Variants in RPS6KA3 observed in about 807,000 individuals in gnomAD.
The protein encoded by RPS6KA3 is ribosomal protein S6 kinase A3.
A neutral mutation model predicts 67.2 loss-of-function variants in RPS6KA3; 4 were observed. The observed-to-expected ratio is 0.06, with a 90% CI of 0.03 to 0.14. The LOEUF is 0.14. Among genes scored for constraint, RPS6KA3 ranks in the 10% least tolerant of loss-of-function variants. RPS6KA3 has a pLI of 1.00. For synonymous variants in RPS6KA3, 182 were observed against 183.7 expected, an observed-to-expected ratio of 0.99 and a Z score of 0.07; for missense variants, 204 against 559.0, an observed-to-expected ratio of 0.36 and a Z score of 6.40.
rs2067099462 is a variant in RPS6KA3 at position 20,151,277 on chromosome X, G to T, written c.*4121C>A. ...AAAAGTGGTTAAGTGTGGCTCTGTT[G>T]AATACCACAGTCCCAATAAAGTGAA... is the stretch of plus-strand genomic sequence containing the variant. On this transcript the variant is annotated 3_prime_UTR_variant, in exon 22 of 22. Coordinates refer to ENST00000379565, the MANE Select transcript of RPS6KA3 (RefSeq NM_004586.3). The T allele has an allele frequency of 8.9e-6, 1 of 112,589 alleles. No individual in the cohort carries two copies. The highest frequency in any genetic ancestry group is 1.9e-5 in the Non-Finnish European group (1 of 53,273). The allele number at this position is 112,589 out of a possible 1,213,427, so 9.3% of individuals were successfully genotyped here. A position where few individuals can be genotyped will look rare whatever the true frequency, so the allele number is the denominator to read the frequency against.
At chrX:20,245,895 G>A (rs142057262) in intron 1 of RPS6KA3, among the ~76,000 whole-genome samples, 2,280 of 110,523 alleles carry the variant, frequency 0.021, 62 homozygotes, top group African/African-American at 0.072. Flanking sequence ...CGAGGCAGGA[G>A]GATCATGAGG....
chrX:20,252,995 G>A (rs2069924627), intron 1 of RPS6KA3, among the ~76,000 whole-genome samples: 1 of 110,911 alleles, frequency 9.0e-6, no homozygotes. Context: ...TTGGGGTGGA[G>A]GCTCAATCTG....
chrX:20,200,496 C>A (rs988311086), intron 4 of RPS6KA3, among the ~76,000 whole-genome samples: 6 of 111,529 alleles, frequency 5.4e-5, no homozygotes, highest in African/African-American at 2.0e-4. Flanking sequence ...GTTTAAAATT[C>A]CAATAAGTCA....
chrX:20,211,971 T>C (rs189889338), intron 2 of RPS6KA3, among the ~76,000 whole-genome samples: 101 of 111,578 alleles, frequency 9.1e-4, no homozygotes, highest in African/African-American at 3.3e-3. Context: ...TTATATTTCA[T>C]AGCAAATCCT....
intron 16 of RPS6KA3, among the ~76,000 whole-genome samples, chrX:20,168,155 C>T (rs2067487124): frequency 8.9e-6 from 1 of 112,025 alleles, no homozygotes; most frequent in East Asian, 2.8e-4. Flanking sequence ...TTAACACTAC[C>T]TGGGGAGTTC....
At chrX:20,228,000 A>T (rs1313347829) in intron 2 of RPS6KA3, among the ~76,000 whole-genome samples, 2 of 111,151 alleles carry the variant, frequency 1.8e-5, no homozygotes, top group Non-Finnish European at 3.8e-5. Context: ...GCTTTCCTCA[A>T]TTTTAGTTTG....
intron 1 of RPS6KA3, among the ~76,000 whole-genome samples, chrX:20,263,104 A>G (rs937750976): frequency 1.8e-5 from 2 of 112,337 alleles, no homozygotes; most frequent in African/African-American, 3.2e-5. Flanking sequence ...ATTGTATACA[A>G]CACATTATAT....
intron 2 of RPS6KA3, among the ~76,000 whole-genome samples, chrX:20,211,946 C>T (rs2068728667): frequency 9.0e-6 from 1 of 111,451 alleles, no homozygotes; most frequent in South Asian, 3.7e-4. Flanking sequence ...TATCAGGTTA[C>T]AGTATTTTTT....
rs1244122101 is a variant in RPS6KA3, at chrX:20,173,005, G to C, written c.1228-134C>G. On this transcript the variant is annotated intron_variant, in intron 14 of 21. Transcript: ENST00000379565. Reference sequence around the variant, plus strand: ...ATAAGAATAAAAATACATCTTTATAGTACTTATTATTCTACAAACAAGTGA... The same window carrying C: ...ATAAGAATAAAAATACATCTTTATACTACTTATTATTCTACAAACAAGTGA... 9 of 514,926 alleles carry C rather than the reference G, an allele frequency of 1.7e-5. No homozygotes were observed. In the Admixed American group the frequency reaches 3.1e-4, roughly 18 times the overall value. 42.4% of individuals were successfully genotyped at this position (514,926 alleles called of 1,213,427 possible).
chrX:20,174,417 C>T (rs997928286), intron 14 of RPS6KA3, among the ~76,000 whole-genome samples: 3 of 103,608 alleles, frequency 2.9e-5, no homozygotes, highest in African/African-American at 7.1e-5. Context: ...TGGCGGATCT[C>T]GGCTCACTGC....
intron 2 of RPS6KA3, among the ~76,000 whole-genome samples, chrX:20,226,373 C>T (rs889236123): frequency 1.8e-4 from 20 of 111,478 alleles, no homozygotes; most frequent in African/African-American, 6.2e-4. Flanking sequence ...TAACTCCATA[C>T]ACTAAGAAGG....
chrX:20,242,587 A>G (rs2069579504), intron 1 of RPS6KA3, among the ~76,000 whole-genome samples: 1 of 112,122 alleles, frequency 8.9e-6, no homozygotes, highest in African/African-American at 3.2e-5. Context: ...TATATGGAAG[A>G]AGAAAAAAAC....
At chrX:20,182,082 C>T (rs1308405664) in intron 10 of RPS6KA3, among the ~76,000 whole-genome samples, 1 of 110,696 alleles carries the variant, frequency 9.0e-6, no homozygotes, top group African/African-American at 3.3e-5. Context: ...TATAAAATGC[C>T]CCAAAAAACC....
chrX:20,198,471 C>T (rs763660100), intron 4 of RPS6KA3, among the ~76,000 whole-genome samples: 100 of 111,929 alleles, frequency 8.9e-4, no homozygotes, highest in Non-Finnish European at 1.6e-3. Flanking sequence ...GAAACAGAGA[C>T]AATGTGAGGA....
At position 20,236,298 on chromosome X, in the gene RPS6KA3, G is replaced by A. The variant is rs966152227; in HGVS notation, c.70-1484C>T. Among the ~76,000 whole-genome samples, 13 of 111,516 alleles carry A rather than the reference G, an allele frequency of 1.2e-4. No homozygotes were observed. The Admixed American group carries it at 1.2e-3, about 11-fold the overall frequency. ...TGTAATTTTTAAAAACCACAAAAAC[G>A]GAAGTCAGGAACACGTAGCTTCTTC... On this transcript the variant is annotated intron_variant, in intron 1 of 21. Transcript: ENST00000379565.
rs1268955832 is a variant in RPS6KA3, at chrX:20,175,029, C to T, written c.1227+135G>A. 9.4e-6 allele frequency: 6 copies of T among 637,561 alleles called. No homozygotes were observed. In the East Asian group the frequency reaches 1.1e-4, roughly 11 times the overall value. The allele number at this position is 637,561 out of a possible 1,213,427, so 52.5% of individuals were successfully genotyped here. ...TTGGCCTCCCAAAGTGCTGGGATTA[C>T]GGGTGTGAGCCACTATGCCCAGTCT... On this transcript the variant is annotated intron_variant, in intron 14 of 21. Transcript: ENST00000379565.
rs781542140 is a variant in RPS6KA3, at chrX:20,176,449, T to C, written c.984A>G (p.Ser328=). The C allele has an allele frequency of 8.4e-7, 1 of 1,189,035 alleles. No homozygotes were observed. The highest frequency in any genetic ancestry group is 1.1e-6 in the Non-Finnish European group (1 of 875,358). The stretch of plus-strand genomic sequence containing the variant: ...CTATACTTACATTCCAGTCTATCGT[T>C]GAGAAAAATGAATGTCTTTTAATTT... ...VEEIKRHSFF[S]TIDWNKLYRR... is the part of the protein sequence containing the mutation. The change falls in exon 12 of 22, where the codon TCA becomes TCG. Residue 328 remains serine, a synonymous_variant. Transcript: ENST00000379565.
At chrX:20,214,223 AT>A (rs200559915) in intron 2 of RPS6KA3, among the ~76,000 whole-genome samples, 1,732 of 111,757 alleles carry the variant, frequency 0.015, 36 homozygotes, top group African/African-American at 0.054. Flanking sequence ...CTGCACAGCT[AT>A]CATCTTGGGA....
At chrX:20,164,565 T>G (rs2067389679) in intron 18 of RPS6KA3, among the ~76,000 whole-genome samples, 1 of 109,190 alleles carries the variant, frequency 9.2e-6, no homozygotes, top group African/African-American at 3.3e-5. Flanking sequence ...TAAAATTTTT[T>G]GTAGAGATGG....
Sources: allele counts gnomAD v4.1 joint callset (sites outside exome capture counted in the v4.1 genomes callset), GRCh38; gene constraint gnomAD v4.1.1; transcripts MANE v1.5; gene names NCBI Gene and HGNC (gene_info 2026-07-23, HGNC 2026-07-21).